R3HDM2: variants seen among roughly 807,000 people sequenced by gnomAD.
R3HDM2 encodes the protein R3H domain containing 2, also known as R3H domain-containing protein 2.
In R3HDM2, 38 loss-of-function variants were observed where a neutral mutation model predicts 124.5. The observed-to-expected ratio is 0.31, with a 90% confidence interval of 0.24 to 0.40. The LOEUF (loss-of-function observed/expected upper bound fraction) is 0.40, where lower values mean the gene tolerates loss of function less well. R3HDM2 is among the 10% of genes least tolerant of loss of function. The pLI is 1.00. For missense variants in R3HDM2, 869 were observed against 1,236.9 expected (o/e 0.70, Z 4.46); for synonymous variants, 391 against 448.0 (o/e 0.87, Z 1.61).
In R3HDM2 at chr12:57,269,916, C is replaced by A; in HGVS notation, c.1423G>T (p.Ala475Ser). ...GSTEAADPSA[A>S]LFQTPLISQH... The stretch of plus-strand genomic sequence containing the variant: ...GAGATAAGTGGGGTCTGGAATAGAG[C>A]TGCAGATGGGTCAGCTGCTTCAGTA... The change falls in exon 15 of 24, where the codon GCT (alanine) becomes TCT (serine). Residue 475 changes from alanine to serine, a missense_variant. Ala to Ser is a moderately conservative substitution (Grantham distance 99, BLOSUM62 1). This residue lies in a region of R3HDM2 where 602 missense variants were observed against 789.2 expected (regional missense o/e 0.76). Coordinates refer to ENST00000402412, the MANE Select transcript of R3HDM2 (RefSeq NM_001394031.1). The A allele has an allele frequency of 6.2e-7, 1 of 1,614,142 alleles. No homozygotes were observed. The highest frequency in any genetic ancestry group is 2.2e-5 in the East Asian group (1 of 44,886).
chr12:57,390,392 C>A (rs2138658538), intron 2 of R3HDM2, among the ~76,000 whole-genome samples: 1 of 152,022 alleles, frequency 6.6e-6, no homozygotes, highest in Non-Finnish European at 1.5e-5. Context: ...CAGCATGCTC[C>A]CTGAGTGAAG....
chr12:57,352,998 AT>A (rs1437967127), intron 2 of R3HDM2, among the ~76,000 whole-genome samples: 9 of 152,088 alleles, frequency 5.9e-5, no homozygotes, highest in African/African-American at 2.2e-4. Context: ...TTTCTGGTAG[AT>A]TAAAGACCTA....
Position 57,289,047 on chromosome 12 carries a change from G to A in R3HDM2, c.907-7C>T. 6.5e-7 allele frequency: 1 copy of A among 1,546,212 alleles called. No individual in the cohort carries two copies. Among genetic ancestry groups the A allele is most frequent in the Non-Finnish European group, 8.8e-7 (1 of 1,141,828 alleles). ...GATATCCGTTCTGGCCAGTCTAGGT[G>A]AGGGGGAGAAAACGGAAAATAACTT... On this transcript the variant is annotated splice_region_variant and splice_polypyrimidine_tract_variant and intron_variant, in intron 11 of 23. Coordinates refer to ENST00000402412, the MANE Select transcript of R3HDM2 (RefSeq NM_001394031.1).
chr12:57,303,234 G>A lies in R3HDM2; in HGVS notation c.166-17C>T. On this transcript the variant is annotated splice_polypyrimidine_tract_variant and intron_variant, in intron 3 of 23. Transcript: ENST00000402412. The stretch of plus-strand genomic sequence containing the variant: ...TGTCCGCCTCTGTTAGAAGGGAATT[G>A]GAAAATATTAAAGGTGGAAGAAAAT... 2 of 1,512,178 alleles carry A rather than the reference G, an allele frequency of 1.3e-6. No homozygotes were observed. The highest frequency in any genetic ancestry group is 1.4e-5 in the African/African-American group (1 of 72,160). 93.7% of individuals were successfully genotyped at this position (1,512,178 alleles called of 1,614,324 possible). A position where few individuals can be genotyped will look rare whatever the true frequency, so the allele number is the denominator to read the frequency against.
Position 57,254,968 on chromosome 12 carries a change from C to A in R3HDM2, c.2778G>T (p.Gly926=). The A allele has an allele frequency of 1.2e-6, 2 of 1,613,990 alleles. No homozygotes were observed. The highest frequency in any genetic ancestry group is 1.7e-6 in the Non-Finnish European group (2 of 1,179,944). ...DAQGLPGGGG[G]DNSGTAENGR... is the part of the protein sequence containing the mutation. ...CATTCTCAGCAGTCCCACTGTTGTC[C>A]CCCCCACCCCCTCCAGGCAGCCCCT... is the stretch of plus-strand genomic sequence containing the variant. Residue 926 remains glycine, a synonymous_variant, in exon 24 of 24, where the codon GGG becomes GGT. Transcript: ENST00000402412.
intron 2 of R3HDM2, among the ~76,000 whole-genome samples, chr12:57,325,182 G>A (rs11172163): frequency 0.37 from 55,974 of 152,028 alleles, 11,723 homozygotes; most frequent in Middle Eastern, 0.75. Flanking sequence ...TCACTCTGTC[G>A]CCCAGGCTAG....
In R3HDM2 at chr12:57,320,261, C is replaced by CAAAAAA. The variant is rs56207989; in HGVS notation, c.-35-9804_-35-9799dup. 2.1e-4 allele frequency among the ~76,000 whole-genome samples: 3 copies of CAAAAAA among 14,286 alleles called. 1 individual carries two copies. Among genetic ancestry groups the CAAAAAA allele is most frequent in the Non-Finnish European group, 2.6e-4 (2 of 7,820 alleles). 9.4% of individuals were successfully genotyped at this position (14,286 alleles called of 152,430 possible). A position where few individuals can be genotyped will look rare whatever the true frequency, so the allele number is the denominator to read the frequency against. Reference sequence around the variant, plus strand: ...GGGCAACAAGAGTGCAACTCTATCTCAAAAAAAAAAAAAAAAAAAAAAAAA... The same window carrying CAAAAAA: ...GGGCAACAAGAGTGCAACTCTATCTCAAAAAAAAAAAAAAAAAAAAAAAAAAAAAAA... On this transcript the variant is annotated intron_variant, in intron 2 of 23. Coordinates refer to ENST00000402412, the MANE Select transcript of R3HDM2 (RefSeq NM_001394031.1).
intron 2 of R3HDM2, among the ~76,000 whole-genome samples, chr12:57,387,463 G>A (rs1172252343): frequency 2.0e-5 from 3 of 152,140 alleles, no homozygotes; most frequent in Admixed American, 2.0e-4. Context: ...TGAAGTCAGT[G>A]AGACCAAGAA....
intron 13 of R3HDM2, among the ~76,000 whole-genome samples, chr12:57,281,043 G>A (rs1273571154): frequency 1.3e-5 from 2 of 152,124 alleles, no homozygotes; most frequent in African/African-American, 4.8e-5. Context: ...AGCACTTTGC[G>A]AGGCTGAGGC....
intron 2 of R3HDM2, among the ~76,000 whole-genome samples, chr12:57,356,820 G>A (rs747479403): frequency 1.3e-5 from 2 of 152,218 alleles, no homozygotes; most frequent in Non-Finnish European, 2.9e-5. Flanking sequence ...AATATAAACA[G>A]TAAAATTTGG....
chr12:57,297,648 T>C, intron 7 of R3HDM2: 1 of 395,356 alleles, frequency 2.5e-6, no homozygotes. Flanking sequence ...ATCTCACTGT[T>C]AACAACATAT....
chr12:57,272,163 G>A (rs972162961), intron 14 of R3HDM2, among the ~76,000 whole-genome samples: 9 of 152,160 alleles, frequency 5.9e-5, no homozygotes, highest in Non-Finnish European at 8.8e-5. Context: ...GATGTACATC[G>A]TAGAGATGAG....
intron 2 of R3HDM2, among the ~76,000 whole-genome samples, chr12:57,314,522 G>T (rs1185572864): frequency 6.6e-6 from 1 of 152,084 alleles, no homozygotes; most frequent in African/African-American, 2.4e-5. Flanking sequence ...GTCAAAACTG[G>T]AAGAGTTCTT....
intron 2 of R3HDM2, among the ~76,000 whole-genome samples, chr12:57,317,736 A>G (rs2055431575): frequency 6.6e-6 from 1 of 151,752 alleles, no homozygotes; most frequent in Admixed American, 6.6e-5. Flanking sequence ...TCGCGCCTGT[A>G]AAGGCCGAGA....
chr12:57,372,574 G>C (rs2063509195), intron 2 of R3HDM2, among the ~76,000 whole-genome samples: 2 of 152,132 alleles, frequency 1.3e-5, no homozygotes, highest in East Asian at 1.9e-4. Flanking sequence ...TGGCAAATCT[G>C]ATAACAAGAG....
intron 10 of R3HDM2, among the ~76,000 whole-genome samples, chr12:57,294,076 G>T (rs1245232455): frequency 6.6e-6 from 1 of 152,028 alleles, no homozygotes; most frequent in Non-Finnish European, 1.5e-5. Context: ...TGTAAAGTGG[G>T]GATAATAACC....
At chr12:57,393,810 G>A (rs957745407) in intron 2 of R3HDM2, among the ~76,000 whole-genome samples, 4 of 152,104 alleles carry the variant, frequency 2.6e-5, no homozygotes, top group South Asian at 4.1e-4. Context: ...TCTTGAAAGC[G>A]GCACAAGTGT....
chr12:57,348,807 C>T (rs762655453), intron 2 of R3HDM2, among the ~76,000 whole-genome samples: 4 of 151,506 alleles, frequency 2.6e-5, no homozygotes, highest in Admixed American at 2.0e-4. Context: ...CACTTGAGCC[C>T]AGGAGGTTGA....
At chr12:57,367,730 A>T in intron 2 of R3HDM2, among the ~76,000 whole-genome samples, 1 of 152,198 alleles carries the variant, frequency 6.6e-6, no homozygotes, top group East Asian at 1.9e-4. Flanking sequence ...ACTTTGTCCA[A>T]TTATTCACTT....
Sources: gnomAD v4.1 joint callset for allele counts (sites outside exome capture counted in the v4.1 genomes callset) on GRCh38, gnomAD v4.1.1 for gene constraint, gnomAD v4.1.1 regional missense constraint, MANE v1.5 for transcripts, NCBI Gene and HGNC (gene_info 2026-07-23, HGNC 2026-07-21) for gene names.